Variants in B3GLCT observed in about 807,000 individuals in gnomAD.
The protein encoded by B3GLCT is beta-1,3-glucosyltransferase.
Under a neutral mutation model 63.4 loss-of-function variants are expected in B3GLCT, and 65 were observed. The ratio of observed to expected loss-of-function variants is 1.03; its 90% CI spans 0.84 to 1.26. The LOEUF is 1.26. Ranked by LOEUF, B3GLCT falls within the 50% of genes most tolerant of loss-of-function variation. The probability of loss-of-function intolerance (pLI) is 0.00; values close to 1 mark genes in which losing one functional copy is unlikely to be tolerated. For synonymous variants in B3GLCT, 233 were observed against 219.2 expected (o/e 1.06, Z -0.55); for missense variants, 577 against 604.8 (o/e 0.95, Z 0.48).
chr13:31,247,652 A>G (rs1871255001), intron 5 of B3GLCT, among the ~76,000 whole-genome samples: 1 of 152,340 alleles, frequency 6.6e-6, no homozygotes, highest in Non-Finnish European at 1.5e-5. Context: ...TAGTGTTGTT[A>G]TGGAGAGAAT....
At chr13:31,234,458 G>T (rs1052025581) in intron 4 of B3GLCT, among the ~76,000 whole-genome samples, 1 of 152,186 alleles carries the variant, frequency 6.6e-6, no homozygotes, top group Non-Finnish European at 1.5e-5. Flanking sequence ...TTCTGAAAGT[G>T]CTGAGCCTGG....
chr13:31,204,130 A>G (rs1322487396), intron 1 of B3GLCT, among the ~76,000 whole-genome samples: 1 of 152,156 alleles, frequency 6.6e-6, no homozygotes, highest in East Asian at 1.9e-4. Context: ...TGTGGAAGAG[A>G]TGTTCAGGAT....
At chr13:31,252,680 T>C (rs903716364) in intron 6 of B3GLCT, among the ~76,000 whole-genome samples, 48 of 152,136 alleles carry the variant, frequency 3.2e-4, no homozygotes, top group African/African-American at 1.0e-3. Context: ...GTCCTAAATA[T>C]ATGCACTCAA....
intron 6 of B3GLCT, among the ~76,000 whole-genome samples, chr13:31,252,148 C>T (rs1203519473): frequency 6.6e-6 from 1 of 152,120 alleles, no homozygotes; most frequent in African/African-American, 2.4e-5. Flanking sequence ...AAATAAAATC[C>T]TTTACAGACA....
At position 31,269,203 on chromosome 13, in the gene B3GLCT, C is replaced by G. The variant is rs763417135; in HGVS notation, c.597-11C>G. On this transcript the variant is annotated splice_polypyrimidine_tract_variant and intron_variant, in intron 7 of 14. Transcript: ENST00000343307. ...TTGGTTAAAAAAAATCAAATTGTCT[C>G]TATTTTCTAGGCTTACCAAGAGACT... The G allele has an allele frequency of 3.8e-5, 60 of 1,598,262 alleles. No individual in the cohort carries two copies. Among genetic ancestry groups the G allele is most frequent in the Non-Finnish European group, 4.7e-5 (55 of 1,166,320 alleles).
At chr13:31,319,618 G>A (rs184614862) in intron 13 of B3GLCT, among the ~76,000 whole-genome samples, 36 of 151,990 alleles carry the variant, frequency 2.4e-4, no homozygotes, top group African/African-American at 8.5e-4. Flanking sequence ...TCCCTTCAAT[G>A]TCTTGTGTTA....
chr13:31,250,647 A>C (rs2137811173), intron 6 of B3GLCT, among the ~76,000 whole-genome samples: 1 of 152,358 alleles, frequency 6.6e-6, no homozygotes, highest in Non-Finnish European at 1.5e-5. Flanking sequence ...CTCTGCCGCC[A>C]GACTGCCTGT....
chr13:31,276,531 A>G (rs1456091550), intron 9 of B3GLCT, among the ~76,000 whole-genome samples, 171 bp from the exon 10 acceptor site: 4 of 152,120 alleles, frequency 2.6e-5, no homozygotes, highest in South Asian at 2.1e-4. Context: ...CAGAAAGGCT[A>G]TGTTGTCAGC....
intron 3 of B3GLCT, among the ~76,000 whole-genome samples, chr13:31,225,774 C>T (rs1237443251): frequency 6.6e-6 from 1 of 152,140 alleles, no homozygotes; most frequent in Non-Finnish European, 1.5e-5. Context: ...CCCCCATCTT[C>T]GGGACAGTGT....
intron 12 of B3GLCT, among the ~76,000 whole-genome samples, chr13:31,296,137 T>C (rs909353923): frequency 5.3e-5 from 8 of 152,338 alleles, no homozygotes; most frequent in Admixed American, 2.6e-4. Context: ...CTCTGTGGGC[T>C]CCACCCACTG....
At chr13:31,324,892 G>C (rs962967775) in intron 14 of B3GLCT, among the ~76,000 whole-genome samples, 1 of 152,058 alleles carries the variant, frequency 6.6e-6, no homozygotes, top group African/African-American at 2.4e-5. Flanking sequence ...TTTTTATAGA[G>C]ATGGGGGTCT....
chr13:31,241,641 G>T (rs1017901671), intron 4 of B3GLCT, among the ~76,000 whole-genome samples: 1 of 152,188 alleles, frequency 6.6e-6, no homozygotes, highest in African/African-American at 2.4e-5. Flanking sequence ...ACATAGGCAA[G>T]GAAAGCTGTG....
In B3GLCT at chr13:31,286,757, T is replaced by C. The variant is rs1430416128; in HGVS notation, c.1002T>C (p.Phe334=). Residue 334 remains phenylalanine (F), a synonymous_variant, in exon 12 of 15, where the codon TTT becomes TTC. Transcript: ENST00000343307. ...CGKTFAILER[F]LNRSQDKTAW... Reference sequence around the variant, plus strand: ...AGACATTTGCCATTTTGGAAAGATTTCTGAATCGTAGCCAGGACAAAACAG... The same window carrying C: ...AGACATTTGCCATTTTGGAAAGATTCCTGAATCGTAGCCAGGACAAAACAG... 3.1e-6 allele frequency: 5 copies of C among 1,613,698 alleles called. 1 individual carries two copies. The Middle Eastern group carries it at 5.0e-4, about 160-fold the overall frequency.
intron 12 of B3GLCT, among the ~76,000 whole-genome samples, chr13:31,316,407 T>TTATATATACATA (rs1555255280): frequency 7.3e-5 from 3 of 40,866 alleles, no homozygotes; most frequent in African/African-American, 2.0e-4. Flanking sequence ...TTTGGAGGTT[T>TTATATATACATA]TATATATATA....
At position 31,315,968 on chromosome 13, in the gene B3GLCT, G is replaced by A. The variant is rs539668315; in HGVS notation, c.1065-1598G>A. Among the ~76,000 whole-genome samples, 10 of 152,346 alleles carry A rather than the reference G, an allele frequency of 6.6e-5. No homozygotes were observed. In the East Asian group the frequency reaches 1.7e-3, roughly 27 times the overall value. ...CAAGCTTTAGCAGCTTCCATGTAGT[G>A]TTGGGCCTGCAGGTACACAGAAGAC... On this transcript the variant is annotated intron_variant, in intron 12 of 14. Transcript: ENST00000343307.
chr13:31,314,218 G>A (rs953617033), intron 12 of B3GLCT, among the ~76,000 whole-genome samples: 3 of 152,186 alleles, frequency 2.0e-5, no homozygotes, highest in Non-Finnish European at 4.4e-5. Flanking sequence ...CCCTACTGGG[G>A]CACCACCTAG....
At chr13:31,299,057 A>G (rs1874097176) in intron 12 of B3GLCT, among the ~76,000 whole-genome samples, 1 of 152,206 alleles carries the variant, frequency 6.6e-6, no homozygotes, top group African/African-American at 2.4e-5. Flanking sequence ...CATTATTCCA[A>G]CGTACTCCTG....
intron 1 of B3GLCT, among the ~76,000 whole-genome samples, chr13:31,200,965 G>T (rs1347710338): frequency 6.7e-6 from 1 of 149,094 alleles, no homozygotes; most frequent in African/African-American, 2.5e-5. Context: ...TTTTCTCCTC[G>T]CAAGGGCATT....
chr13:31,278,404 A>C (rs1477096312), intron 10 of B3GLCT, among the ~76,000 whole-genome samples: 1 of 152,162 alleles, frequency 6.6e-6, no homozygotes, highest in Non-Finnish European at 1.5e-5. Flanking sequence ...TTTGAGTCAA[A>C]AGTCTTTAAA....
Sources: gnomAD v4.1 joint callset for allele counts (sites outside exome capture counted in the v4.1 genomes callset) on GRCh38, gnomAD v4.1.1 for gene constraint, MANE v1.5 for transcripts, NCBI Gene and HGNC (gene_info 2026-07-23, HGNC 2026-07-21) for gene names.